The following MACROD2 variants were observed in gnomAD, a reference collection of about 807,000 sequenced individuals.
The protein encoded by MACROD2 is ADP-ribose glycohydrolase MACROD2.
In MACROD2, 36 loss-of-function variants were observed where a neutral mutation model predicts 70.4. The ratio of observed to expected loss-of-function variants is 0.51; its 90% CI spans 0.39 to 0.68. The LOEUF is 0.68. Ranked by LOEUF, MACROD2 falls within the 30% of genes least tolerant of loss-of-function variation. The probability of loss-of-function intolerance (pLI) is 0.00; values close to 1 mark genes in which losing one functional copy is unlikely to be tolerated. For synonymous variants in MACROD2, 172 were observed against 178.8 expected (o/e 0.96, Z 0.30); for missense variants, 496 against 538.4 (o/e 0.92, Z 0.78).
At chr20:14,236,864 TA>T (rs1289632525) in intron 3 of MACROD2, among the ~76,000 whole-genome samples, 6 of 152,146 alleles carry the variant, frequency 3.9e-5, no homozygotes, top group Non-Finnish European at 7.4e-5. Flanking sequence ...TGTCAGTTAT[TA>T]AAAAAATCAG....
intron 3 of MACROD2, among the ~76,000 whole-genome samples, chr20:14,404,683 G>A (rs1234539923): frequency 6.6e-6 from 1 of 152,078 alleles, no homozygotes; most frequent in Admixed American, 6.6e-5. Flanking sequence ...TTCTAAAATA[G>A]CTAGAGAAGA....
intron 7 of MACROD2, among the ~76,000 whole-genome samples, chr20:15,477,378 C>G (rs774344451): frequency 5.3e-5 from 8 of 152,106 alleles, no homozygotes; most frequent in Non-Finnish European, 1.2e-4. Flanking sequence ...CATGCCCAGC[C>G]TGGTGTATTA....
chr20:15,443,307 GAGAA>G (rs11470478), intron 7 of MACROD2, among the ~76,000 whole-genome samples: 38,767 of 151,676 alleles, frequency 0.26, 5,999 homozygotes, highest in African/African-American at 0.43. Flanking sequence ...AAATATTACA[GAGAA>G]AGAGAGAGAA....
At chr20:14,044,613 G>C (rs1031345454) in intron 2 of MACROD2, among the ~76,000 whole-genome samples, 10 of 152,166 alleles carry the variant, frequency 6.6e-5, no homozygotes, top group South Asian at 2.1e-4. Context: ...AGTTCTCCAC[G>C]TCCCCACTAG....
chr20:15,450,155 A>G (rs1308560821), intron 7 of MACROD2, among the ~76,000 whole-genome samples: 1 of 152,106 alleles, frequency 6.6e-6, no homozygotes, highest in African/African-American at 2.4e-5. Flanking sequence ...CATTATATAC[A>G]CTGTATATTA....
chr20:14,563,570 G>A (rs1267343744), intron 4 of MACROD2, among the ~76,000 whole-genome samples: 1 of 151,794 alleles, frequency 6.6e-6, no homozygotes, highest in Non-Finnish European at 1.5e-5. Flanking sequence ...TGAGATAATT[G>A]TTGGTTCATA....
At chr20:14,152,023 G>C (rs1444809178) in intron 3 of MACROD2, among the ~76,000 whole-genome samples, 1 of 151,222 alleles carries the variant, frequency 6.6e-6, no homozygotes, top group Admixed American at 6.6e-5. Flanking sequence ...GGGTTTCACT[G>C]TGTTAGCCAG....
At chr20:15,227,504 TG>T (rs932502008) in intron 5 of MACROD2, among the ~76,000 whole-genome samples, 2 of 152,124 alleles carry the variant, frequency 1.3e-5, no homozygotes, top group Non-Finnish European at 2.9e-5. Context: ...AAGAGAACCA[TG>T]GTCATGTCCC....
intron 5 of MACROD2, among the ~76,000 whole-genome samples, chr20:15,111,233 C>T (rs1025733919): frequency 5.4e-5 from 8 of 148,034 alleles, no homozygotes; most frequent in East Asian, 2.0e-4. Context: ...GGTGCAGTGG[C>T]GCAATCTCGG....
intron 2 of MACROD2, among the ~76,000 whole-genome samples, chr20:14,055,507 CAAAAA>C (rs4052606): frequency 2.9e-5 from 3 of 103,204 alleles, no homozygotes; most frequent in Admixed American, 1.0e-4. Context: ...GTTTCAGGAG[CAAAAA>C]AAAAAAAAAA....
chr20:14,052,974 G>A (rs988975631), intron 2 of MACROD2: 8 of 151,430 alleles, frequency 5.3e-5, no homozygotes, highest in Admixed American at 6.6e-5. Context: ...TAAAGTAAGT[G>A]AAATGAAACC....
At chr20:15,585,191 T>G (rs2048580609) in intron 8 of MACROD2, among the ~76,000 whole-genome samples, 1 of 138,618 alleles carries the variant, frequency 7.2e-6, no homozygotes, top group South Asian at 2.2e-4. Flanking sequence ...TTTTTTCTTC[T>G]TCTTTTTTTT....
At chr20:14,094,496 G>A (rs2054196019) in intron 3 of MACROD2, among the ~76,000 whole-genome samples, 1 of 151,676 alleles carries the variant, frequency 6.6e-6, no homozygotes, top group African/African-American at 2.4e-5. Context: ...TGAAGTAATG[G>A]GCCCTTTTTT....
intron 6 of MACROD2, among the ~76,000 whole-genome samples, chr20:15,384,233 G>T (rs1266351084): frequency 6.6e-6 from 1 of 152,036 alleles, no homozygotes; most frequent in Non-Finnish European, 1.5e-5. Flanking sequence ...AAAGGTCCAA[G>T]ACAGATCCAA....
intron 15 of MACROD2, among the ~76,000 whole-genome samples, chr20:16,002,302 GT>G (rs2066720393): frequency 2.0e-5 from 3 of 152,130 alleles, no homozygotes. Flanking sequence ...CAGAACAATG[GT>G]CCCCCAAAGG....
intron 8 of MACROD2, among the ~76,000 whole-genome samples, chr20:15,785,235 G>A (rs372912985): frequency 1.5e-3 from 233 of 151,704 alleles, no homozygotes; most frequent in African/African-American, 5.4e-3. Context: ...CTGAACAAGA[G>A]CCACTAAAAG....
rs1007410006 is a variant in MACROD2, at chr20:14,736,812, G to A, written c.418+51853G>A. Among the ~76,000 whole-genome samples, 4 of 152,018 alleles carry A rather than the reference G, an allele frequency of 2.6e-5. No individual in the cohort carries two copies. In the South Asian group the frequency reaches 6.2e-4, roughly 24 times the overall value. ...ATTTGATTCTAATTGGTCTGTTTCC[G>A]AAGCCAAAGCTCTTACCCAGTACAT... is the stretch of plus-strand genomic sequence containing the variant. On this transcript the variant is annotated intron_variant, in intron 5 of 17. Coordinates refer to ENST00000684519, the MANE Select transcript of MACROD2 (RefSeq NM_001351661.2).
chr20:15,938,914 T>C (rs2065708229), intron 12 of MACROD2, among the ~76,000 whole-genome samples: 1 of 152,148 alleles, frequency 6.6e-6, no homozygotes, highest in Admixed American at 6.6e-5. Context: ...AGGAGAAAGT[T>C]TTAATGGTCT....
At position 15,754,344 on chromosome 20, in the gene MACROD2, C is replaced by T. The variant is rs560607903; in HGVS notation, c.646-108401C>T. On this transcript the variant is annotated intron_variant, in intron 8 of 17. Transcript: ENST00000684519. ...CATTCATAAAGAGCTTAGTCTAGGC[C>T]AAGCGCGGTGGCTCACGCCCGTAAT... Among the ~76,000 whole-genome samples the T allele has an allele frequency of 3.3e-5, 5 of 152,154 alleles. No homozygotes were observed. The South Asian group carries it at 1.0e-3, about 31-fold the overall frequency.
Sources: gnomAD v4.1 joint callset for allele counts (sites outside exome capture counted in the v4.1 genomes callset) on GRCh38, gnomAD v4.1.1 for gene constraint, MANE v1.5 for transcripts, NCBI Gene and HGNC (gene_info 2026-07-23, HGNC 2026-07-21) for gene names.